PTPRM: variants seen among roughly 807,000 people sequenced by gnomAD.
PTPRM encodes the protein protein tyrosine phosphatase receptor type M.
In PTPRM, 47 loss-of-function variants were observed where a neutral mutation model predicts 186.7. That is an observed-to-expected ratio of 0.25 (90% confidence interval 0.20 to 0.32). The LOEUF is 0.32. Among genes scored for constraint, PTPRM ranks in the 10% least tolerant of loss-of-function variants. The pLI is 1.00. For synonymous variants in PTPRM, 668 were observed against 674.9 expected, an observed-to-expected ratio of 0.99 and a Z score of 0.16; for missense variants, 1,494 against 1,865.0, an observed-to-expected ratio of 0.80 and a Z score of 3.66.
rs150903449 is a variant in PTPRM at position 7,887,290 on chromosome 18, T to A, written c.197-816T>A. On this transcript the variant is annotated intron_variant, in intron 2 of 32. Transcript: ENST00000580170. ...GTGCTTGGTATCTGGAAAGCTTGAA[T>A]CCATCTGGAAGCTCCTCAACACTCA... Among the ~76,000 whole-genome samples the A allele has an allele frequency of 2.9e-3, 445 of 152,300 alleles. 4 individuals carry two copies. Among genetic ancestry groups the A allele is most frequent in the African/African-American group, 0.01 (419 of 41,566 alleles).
At chr18:7,855,727 G>A (rs1244739427) in intron 2 of PTPRM, among the ~76,000 whole-genome samples, 4 of 152,116 alleles carry the variant, frequency 2.6e-5, no homozygotes, top group African/African-American at 9.7e-5. Context: ...TTTATTATTT[G>A]GCAATGGAAA....
intron 14 of PTPRM, among the ~76,000 whole-genome samples, chr18:8,182,313 C>A (rs1214025436): frequency 6.6e-6 from 1 of 152,148 alleles, no homozygotes; most frequent in Non-Finnish European, 1.5e-5. Flanking sequence ...ATCCCATCAT[C>A]CAAGTGGCAA....
chr18:8,352,626 TC>T lies in PTPRM; in HGVS notation c.3054+9107del, dbSNP rs1411410618. ...CCAAAGGACATGATTTCATTCTTTT[TC>T]TTTTCTTTTTTTTTTTTTTGGTTTG... On this transcript the variant is annotated intron_variant, in intron 23 of 32. Coordinates refer to ENST00000580170, the MANE Select transcript of PTPRM (RefSeq NM_001105244.2). Among the ~76,000 whole-genome samples, 56 of 106,758 alleles carry T rather than the reference TC, an allele frequency of 5.2e-4. 1 individual carries two copies. Among genetic ancestry groups the T allele is most frequent in the East Asian group, 1.8e-3 (8 of 4,468 alleles). 70.0% of individuals were successfully genotyped at this position (106,758 alleles called of 152,430 possible).
intron 2 of PTPRM, among the ~76,000 whole-genome samples, chr18:7,844,644 C>G (rs1216151531): frequency 6.6e-6 from 1 of 152,142 alleles, no homozygotes; most frequent in Non-Finnish European, 1.5e-5. Context: ...GTCCTACTGC[C>G]TAGGAATGAT....
At chr18:7,709,130 A>G (rs1390920619) in intron 1 of PTPRM, among the ~76,000 whole-genome samples, 1 of 152,156 alleles carries the variant, frequency 6.6e-6, no homozygotes, top group Non-Finnish European at 1.5e-5. Flanking sequence ...CAGCACGTGG[A>G]ACATTCTCTA....
At chr18:8,194,784 T>TA (rs1265995576) in intron 14 of PTPRM, among the ~76,000 whole-genome samples, 3 of 152,256 alleles carry the variant, frequency 2.0e-5, no homozygotes, top group African/African-American at 7.2e-5. Context: ...GCTTTTGAAA[T>TA]ACTGCATTGT....
intron 14 of PTPRM, among the ~76,000 whole-genome samples, chr18:8,161,582 A>C (rs1813562458): frequency 6.6e-6 from 1 of 152,146 alleles, no homozygotes; most frequent in African/African-American, 2.4e-5. Flanking sequence ...ATCACTTTTT[A>C]AAGTATGTGT....
chr18:8,306,652 A>T (rs1284763359), intron 20 of PTPRM, among the ~76,000 whole-genome samples: 1 of 152,212 alleles, frequency 6.6e-6, no homozygotes, highest in African/African-American at 2.4e-5. Flanking sequence ...TCTTATGCCT[A>T]GGCAGTTGAG....
chr18:7,764,192 T>C (rs2041915691), intron 1 of PTPRM, among the ~76,000 whole-genome samples: 1 of 152,324 alleles, frequency 6.6e-6, no homozygotes, highest in South Asian at 2.1e-4. Flanking sequence ...CAATAATCTC[T>C]GAATCACTTT....
At chr18:8,054,916 A>G (rs28557220) in intron 7 of PTPRM, among the ~76,000 whole-genome samples, 4,505 of 152,170 alleles carry the variant, frequency 0.03, 125 homozygotes, top group African/African-American at 0.078. Flanking sequence ...CTAAGTTGAC[A>G]TATTCATATT....
In PTPRM at chr18:7,581,012, T is replaced by C. The variant is rs76138321; in HGVS notation, c.73+13121T>C. ...GTGTGATTCTCCTGTGCAGTCAGAT[T>C]CTTCTCGTGGACACAGTGAGCAATA... On this transcript the variant is annotated intron_variant, in intron 1 of 32. Coordinates refer to ENST00000580170, the MANE Select transcript of PTPRM (RefSeq NM_001105244.2). Among the ~76,000 whole-genome samples the C allele has an allele frequency of 2.4e-3, 360 of 152,366 alleles. 1 individual carries two copies. Among genetic ancestry groups the C allele is most frequent in the African/African-American group, 8.2e-3 (341 of 41,584 alleles).
intron 1 of PTPRM, among the ~76,000 whole-genome samples, chr18:7,735,938 T>G (rs1489237205): frequency 6.6e-6 from 1 of 152,044 alleles, no homozygotes; most frequent in Non-Finnish European, 1.5e-5. Flanking sequence ...TTCTTTGACC[T>G]GAAAGCACCG....
At chr18:8,151,792 G>A (rs577418672) in intron 14 of PTPRM, among the ~76,000 whole-genome samples, 8 of 151,970 alleles carry the variant, frequency 5.3e-5, no homozygotes, top group South Asian at 4.2e-4. Flanking sequence ...GGGGTTAGGC[G>A]CCAGAGGGGA....
At chr18:8,272,903 A>T (rs988649399) in intron 19 of PTPRM, among the ~76,000 whole-genome samples, 6 of 152,186 alleles carry the variant, frequency 3.9e-5, no homozygotes, top group African/African-American at 1.2e-4. Context: ...GGAAAATACA[A>T]GTTTAGAATT....
At chr18:7,917,722 A>G (rs540764304) in intron 4 of PTPRM, among the ~76,000 whole-genome samples, 1 of 152,256 alleles carries the variant, frequency 6.6e-6, no homozygotes, top group South Asian at 2.1e-4. Flanking sequence ...TTTGAAATAT[A>G]CAGTAGATTT....
At position 8,398,769 on chromosome 18, in the gene PTPRM, CA is replaced by C. The variant is rs199873195; in HGVS notation, c.4344+4175del. Among the ~76,000 whole-genome samples, 233 of 84,066 alleles carry C rather than the reference CA, an allele frequency of 2.8e-3. No individual in the cohort carries two copies. The East Asian group carries it at 0.032, about 11-fold the overall frequency. The allele number at this position is 84,066 out of a possible 152,430, so 55.2% of individuals were successfully genotyped here. On this transcript the variant is annotated intron_variant, in intron 32 of 32. Coordinates refer to ENST00000580170, the MANE Select transcript of PTPRM (RefSeq NM_001105244.2). ...TAGGTAACAGAGTGAGACTCCTTCT[CA>C]AAAAAAAAAAAAAAAACTATTAATT...
chr18:7,949,409 G>A (rs1386347527), intron 6 of PTPRM, 54 bp downstream of exon 6: 2 of 1,468,696 alleles, frequency 1.4e-6, no homozygotes, highest in African/African-American at 1.4e-5. Flanking sequence ...TATGTTAGGT[G>A]TTGTTAGTTC....
chr18:7,842,121 T>C (rs949215918), intron 2 of PTPRM, among the ~76,000 whole-genome samples: 1 of 152,178 alleles, frequency 6.6e-6, no homozygotes, highest in Non-Finnish European at 1.5e-5. Flanking sequence ...TGCTTCCTTT[T>C]TCTTTTAGAC....
intron 1 of PTPRM, among the ~76,000 whole-genome samples, chr18:7,765,172 T>C (rs1345497696): frequency 6.6e-6 from 1 of 152,192 alleles, no homozygotes; most frequent in Non-Finnish European, 1.5e-5. Context: ...AACTCAGCCT[T>C]TTAAAAAATT....
Sources: allele counts gnomAD v4.1 joint callset (sites outside exome capture counted in the v4.1 genomes callset), GRCh38; gene constraint gnomAD v4.1.1; transcripts MANE v1.5; gene names NCBI Gene and HGNC (gene_info 2026-07-23, HGNC 2026-07-21).